Variants in EXT1 observed in about 807,000 individuals in gnomAD.
EXT1 encodes exostosin-1.
Under a neutral mutation model 82.5 loss-of-function variants are expected in EXT1, and 20 were observed. The ratio of observed to expected loss-of-function variants is 0.24; its 90% CI spans 0.17 to 0.35. The LOEUF (loss-of-function observed/expected upper bound fraction) is 0.35. EXT1 is among the 10% of genes least tolerant of loss of function. The probability of loss-of-function intolerance (pLI) is 1.00; values close to 1 mark genes in which losing one functional copy is unlikely to be tolerated. For missense variants in EXT1, 757 were observed against 936.5 expected, an observed-to-expected ratio of 0.81 and a Z score of 2.50; for synonymous variants, 348 against 350.8, an observed-to-expected ratio of 0.99 and a Z score of 0.09.
At chr8:117,930,348 A>C (rs987942815) in intron 1 of EXT1, among the ~76,000 whole-genome samples, 2 of 152,126 alleles carry the variant, frequency 1.3e-5, no homozygotes, top group African/African-American at 4.8e-5. Context: ...CTATGAAGAC[A>C]GGCTTAAGCA....
intron 9 of EXT1, among the ~76,000 whole-genome samples, chr8:117,805,533 T>C (rs187494986): frequency 7.2e-5 from 11 of 152,336 alleles, no homozygotes; most frequent in Non-Finnish European, 1.6e-4. Flanking sequence ...TATATACATA[T>C]AGCATATATT....
chr8:118,004,089 C>G (rs969907885), intron 1 of EXT1, among the ~76,000 whole-genome samples: 1 of 152,148 alleles, frequency 6.6e-6, no homozygotes, highest in Non-Finnish European at 1.5e-5. Context: ...GACACACAAC[C>G]TCCCAAACAG....
rs554885340 is a variant in EXT1, at chr8:117,823,450, T to C, written c.1285-853A>G. On this transcript the variant is annotated intron_variant, in intron 4 of 10. Coordinates refer to ENST00000378204, the MANE Select transcript of EXT1 (RefSeq NM_000127.3). ...TACCATCCACTCATTAGAATATGAT[T>C]TGGCAAATAATTAACTTGGTACAGA... 4.6e-5 allele frequency among the ~76,000 whole-genome samples: 7 copies of C among 152,160 alleles called. No individual in the cohort carries two copies. In the East Asian group the frequency reaches 1.3e-3, roughly 29 times the overall value.
intron 1 of EXT1, among the ~76,000 whole-genome samples, chr8:117,848,285 A>C (rs1025580894): frequency 1.3e-5 from 2 of 152,178 alleles, no homozygotes; most frequent in Admixed American, 1.3e-4. Flanking sequence ...CTTTGCATGA[A>C]GGTTGAGTCC....
chr8:117,854,820 G>T (rs1339670037), intron 1 of EXT1, among the ~76,000 whole-genome samples: 1 of 152,172 alleles, frequency 6.6e-6, no homozygotes, highest in Non-Finnish European at 1.5e-5. Flanking sequence ...AGCCAGAGAA[G>T]CATAACTAGA....
intron 1 of EXT1, among the ~76,000 whole-genome samples, chr8:118,108,053 T>G (rs1001727907): frequency 6.6e-6 from 1 of 152,222 alleles, no homozygotes; most frequent in Non-Finnish European, 1.5e-5. Context: ...TCATATTTCT[T>G]GGCCCGATCA....
chr8:117,858,875 A>G (rs1812632105), intron 1 of EXT1, among the ~76,000 whole-genome samples: 1 of 92,724 alleles, frequency 1.1e-5, no homozygotes, highest in Non-Finnish European at 2.6e-5. Flanking sequence ...GAAAGAAAGA[A>G]AGAAAGAAAG....
intron 1 of EXT1, among the ~76,000 whole-genome samples, chr8:118,024,433 G>A (rs1816167152): frequency 1.3e-5 from 2 of 151,844 alleles, no homozygotes; most frequent in South Asian, 4.1e-4. Flanking sequence ...CAGCCAGCCA[G>A]CCATTTGTTT....
chr8:117,976,803 G>A (rs1310884189), intron 1 of EXT1, among the ~76,000 whole-genome samples: 3 of 152,130 alleles, frequency 2.0e-5, no homozygotes, highest in African/African-American at 7.2e-5. Flanking sequence ...GTAGCAGAGG[G>A]GCTTGGAGGT....
chr8:118,081,326 G>C (rs1225714278), intron 1 of EXT1, among the ~76,000 whole-genome samples: 1 of 152,184 alleles, frequency 6.6e-6, no homozygotes, highest in African/African-American at 2.4e-5. Context: ...TAAGATTGCT[G>C]AATGTCAATT....
At position 118,065,717 on chromosome 8, in the gene EXT1, C is replaced by A. The variant is rs542430911; in HGVS notation, c.962+44368G>T. 2.1e-3 allele frequency among the ~76,000 whole-genome samples: 327 copies of A among 152,264 alleles called. 1 individual carries two copies. Among genetic ancestry groups the A allele is most frequent in the African/African-American group, 7.6e-3 (314 of 41,544 alleles). ...TTAGTCATTCACATTCCAAACCAAG[C>A]ACGACCAAAAACAAGCTTTTAAAAG... On this transcript the variant is annotated intron_variant, in intron 1 of 10. Transcript: ENST00000378204.
chr8:117,883,679 AC>A (rs1335047763), intron 1 of EXT1, among the ~76,000 whole-genome samples: 3 of 152,218 alleles, frequency 2.0e-5, no homozygotes, highest in African/African-American at 7.2e-5. Context: ...AGCAAAGTCC[AC>A]TAGCGAAGCA....
At chr8:118,033,550 T>C (rs7833710) in intron 1 of EXT1, among the ~76,000 whole-genome samples, 69,741 of 151,986 alleles carry the variant, frequency 0.46, 16,313 homozygotes, top group Middle Eastern at 0.53. Flanking sequence ...ATGATCATAG[T>C]TCACTGTAGC....
intron 1 of EXT1, among the ~76,000 whole-genome samples, chr8:117,910,107 C>T (rs765217022): frequency 2.6e-5 from 4 of 152,122 alleles, no homozygotes; most frequent in Non-Finnish European, 4.4e-5. Flanking sequence ...CCCTAATACA[C>T]TATCCCCATG....
At chr8:117,983,935 G>T (rs1233058075) in intron 1 of EXT1, among the ~76,000 whole-genome samples, 1 of 152,188 alleles carries the variant, frequency 6.6e-6, no homozygotes, top group African/African-American at 2.4e-5. Flanking sequence ...AGTTGTAGTT[G>T]AGAAATGGAA....
chr8:117,846,581 G>T (rs1290598899), intron 1 of EXT1, among the ~76,000 whole-genome samples: 6 of 152,122 alleles, frequency 3.9e-5, no homozygotes, highest in African/African-American at 1.4e-4. Flanking sequence ...GAAAAGAGGG[G>T]ATTAACAATA....
intron 1 of EXT1, among the ~76,000 whole-genome samples, chr8:117,919,133 G>T (rs1813808385): frequency 6.6e-6 from 1 of 151,746 alleles, no homozygotes; most frequent in South Asian, 2.1e-4. Context: ...CAAAATAGGA[G>T]AACTCTTCTT....
At chr8:117,950,701 A>T (rs1195055495) in intron 1 of EXT1, among the ~76,000 whole-genome samples, 2 of 152,236 alleles carry the variant, frequency 1.3e-5, no homozygotes, top group Non-Finnish European at 2.9e-5. Context: ...AAACAGGCAC[A>T]GAAAGAGATT....
intron 4 of EXT1, among the ~76,000 whole-genome samples, chr8:117,828,635 T>C (rs774812178): frequency 1.6e-4 from 24 of 152,154 alleles, no homozygotes; most frequent in Non-Finnish European, 2.9e-4. Flanking sequence ...GTAACTCTAT[T>C]AGCTACTGTG....
Sources: allele counts gnomAD v4.1 joint callset (sites outside exome capture counted in the v4.1 genomes callset), GRCh38; gene constraint gnomAD v4.1.1; transcripts MANE v1.5; gene names NCBI Gene and HGNC (gene_info 2026-07-23, HGNC 2026-07-21).